The following RXYLT1 variants were observed in gnomAD, a reference collection of about 807,000 sequenced individuals.
RXYLT1 encodes the protein ribitol xylosyltransferase 1, also known as ribitol-5-phosphate xylosyltransferase 1.
In RXYLT1, 41 loss-of-function variants were observed where a neutral mutation model predicts 43.5. That is an observed-to-expected ratio of 0.94 (90% CI 0.73 to 1.22). The LOEUF is 1.22. Ranked by LOEUF, RXYLT1 falls within the 50% of genes most tolerant of loss-of-function variation. RXYLT1 has a pLI of 0.00. For missense variants in RXYLT1, 514 were observed against 532.0 expected (o/e 0.97, Z 0.33); for synonymous variants, 166 against 194.4 (o/e 0.85, Z 1.21).
chr12:63,796,672 A>T (rs1156255697), intron 3 of RXYLT1, among the ~76,000 whole-genome samples: 1 of 152,234 alleles, frequency 6.6e-6, no homozygotes, highest in East Asian at 1.9e-4. Flanking sequence ...GGAGCACATC[A>T]TTTGAATATG....
chr12:63,808,502 C>A, intron 5 of RXYLT1, 173 bp from the exon 6 acceptor site: 1 of 649,278 alleles, frequency 1.5e-6, no homozygotes, highest in Non-Finnish European at 2.5e-6. Flanking sequence ...TCCAATTCTT[C>A]AACATTTTTA....
intron 3 of RXYLT1, among the ~76,000 whole-genome samples, chr12:63,796,303 T>C (rs1051957082): frequency 6.6e-6 from 1 of 152,256 alleles, no homozygotes; most frequent in African/African-American, 2.4e-5. Context: ...CCTCAGTGTG[T>C]CATATTTGTT....
chr12:63,799,550 T>TC (rs1898113002), intron 3 of RXYLT1, among the ~76,000 whole-genome samples: 1 of 152,038 alleles, frequency 6.6e-6, no homozygotes, highest in Non-Finnish European at 1.5e-5. Context: ...CTCAGTCAAC[T>TC]AAAGTGCTGG....
At chr12:63,780,955 G>T in intron 1 of RXYLT1, 64 bp from the exon 2 acceptor site, 3 of 1,312,054 alleles carry the variant, frequency 2.3e-6, no homozygotes, top group South Asian at 2.2e-5. Context: ...TAATTTAAAT[G>T]ATTTGAATTT....
At chr12:63,794,683 T>G (rs745658000) in intron 3 of RXYLT1, among the ~76,000 whole-genome samples, 1 of 152,128 alleles carries the variant, frequency 6.6e-6, no homozygotes, top group Non-Finnish European at 1.5e-5. Context: ...CCGGGCATGG[T>G]GGCTCACTCC....
intron 3 of RXYLT1, among the ~76,000 whole-genome samples, chr12:63,796,466 G>A (rs1014792284): frequency 2.6e-5 from 4 of 152,016 alleles, no homozygotes; most frequent in African/African-American, 4.8e-5. Flanking sequence ...TGATTACAAG[G>A]TCCCACAGTA....
chr12:63,784,241 T>C (rs1410039921), intron 2 of RXYLT1, among the ~76,000 whole-genome samples: 1 of 152,196 alleles, frequency 6.6e-6, no homozygotes, highest in Admixed American at 6.5e-5. Context: ...TTAAACGTGG[T>C]GGCTTGCGTT....
chr12:63,782,107 T>G (rs984339809), intron 2 of RXYLT1, among the ~76,000 whole-genome samples: 1 of 152,192 alleles, frequency 6.6e-6, no homozygotes, highest in Non-Finnish European at 1.5e-5. Context: ...CTTTTCAATC[T>G]GATAAGTGCA....
chr12:63,796,837 A>G (rs1898042636), intron 3 of RXYLT1, among the ~76,000 whole-genome samples: 1 of 152,056 alleles, frequency 6.6e-6, no homozygotes, highest in Non-Finnish European at 1.5e-5. Flanking sequence ...AATGTTGACC[A>G]TTCATTAGGA....
At chr12:63,782,563 T>C in intron 2 of RXYLT1, 1 of 456,664 alleles carries the variant, frequency 2.2e-6, no homozygotes, top group Non-Finnish European at 4.4e-6. Flanking sequence ...GCGTTTCTGC[T>C]CATAAAACAT....
intron 2 of RXYLT1, among the ~76,000 whole-genome samples, chr12:63,783,894 C>T (rs533431130): frequency 6.6e-6 from 1 of 152,002 alleles, no homozygotes; most frequent in Admixed American, 6.6e-5. Context: ...GTTTCCTTAC[C>T]GTTTAGAGTT....
In RXYLT1 at chr12:63,808,796, T is replaced by C. The variant is rs1318773171; in HGVS notation, c.1036T>C (p.Ser346Pro). ...ATGCTATCGAATCTATGAGGCTTGC[T>C]CCTATGGCTCCATTCCTGTGGTGGA... Reference protein sequence around the residue: ...TECYRIYEACSYGSIPVVEDV... With the variant: ...TECYRIYEACPYGSIPVVEDV... The change falls in exon 6 of 6, where the codon TCC (serine) becomes CCC (proline). Residue 346 changes from serine to proline, a missense_variant. Ser to Pro is a moderately conservative substitution (Grantham distance 74). Coordinates refer to ENST00000261234, the MANE Select transcript of RXYLT1 (RefSeq NM_014254.3). 6.2e-7 allele frequency: 1 copy of C among 1,613,992 alleles called. No homozygotes were observed. The highest frequency in any genetic ancestry group is 8.5e-7 in the Non-Finnish European group (1 of 1,180,012).
At chr12:63,780,323 T>C in intron 1 of RXYLT1, 194 bp downstream of exon 1, 1 of 1,298,306 alleles carries the variant, frequency 7.7e-7, no homozygotes, top group Middle Eastern at 2.9e-4. Flanking sequence ...CTTACCCAGA[T>C]CTCACACGCC....
intron 5 of RXYLT1, 173 bp from the exon 6 acceptor site, chr12:63,808,502 C>T (rs1045314312): frequency 4.6e-6 from 3 of 649,160 alleles, no homozygotes; most frequent in Non-Finnish European, 7.5e-6. Context: ...TCCAATTCTT[C>T]AACATTTTTA....
At chr12:63,786,114 G>C (rs760491149) in intron 3 of RXYLT1, among the ~76,000 whole-genome samples, 6 of 152,098 alleles carry the variant, frequency 3.9e-5, no homozygotes, top group African/African-American at 7.2e-5. Context: ...TGTGTATTAT[G>C]TGTATAAATC....
At chr12:63,780,646 C>T (rs1475850784) in intron 1 of RXYLT1, among the ~76,000 whole-genome samples, 2 of 152,202 alleles carry the variant, frequency 1.3e-5, no homozygotes, top group Non-Finnish European at 2.9e-5. Flanking sequence ...CTGGTGAACA[C>T]TACACTCTGA....
chr12:63,792,236 AG>A (rs535141164), intron 3 of RXYLT1, among the ~76,000 whole-genome samples: 112 of 152,348 alleles, frequency 7.4e-4, no homozygotes, highest in African/African-American at 2.6e-3. Flanking sequence ...TGAGCTAAGC[AG>A]TGTCCTAGAG....
chr12:63,781,025 C>T lies in RXYLT1; in HGVS notation c.176C>T (p.Ser59Phe). The T allele has an allele frequency of 6.3e-7, 1 of 1,594,292 alleles. No individual in the cohort carries two copies. Among genetic ancestry groups the T allele is most frequent in the Non-Finnish European group, 8.5e-7 (1 of 1,172,202 alleles). ...PARERRGREQ[S>F]TLESEEWNPW... ...CTTACTCTTTTTAAAACAGAACAGT[C>T]CACTTTGGAAAGTGAAGAATGGAAT... The change falls in exon 2 of 6, where the codon TCC becomes TTC. Residue 59 changes from serine to phenylalanine, a missense_variant. Coordinates refer to ENST00000261234, the MANE Select transcript of RXYLT1 (RefSeq NM_014254.3).
At chr12:63,780,165 G>T (rs1413017206) in intron 1 of RXYLT1, 36 bp downstream of exon 1, 1 of 1,425,918 alleles carries the variant, frequency 7.0e-7, no homozygotes, top group East Asian at 2.8e-5. Context: ...CCGGCTCTGC[G>T]CTCCTGGCTG....
Sources: allele counts gnomAD v4.1 joint callset (sites outside exome capture counted in the v4.1 genomes callset), GRCh38; gene constraint gnomAD v4.1.1; transcripts MANE v1.5; gene names NCBI Gene and HGNC (gene_info 2026-07-23, HGNC 2026-07-21).